SMARCA2: variants seen among roughly 807,000 people sequenced by gnomAD.
SMARCA2 encodes the protein SWI/SNF-related matrix-associated actin-dependent regulator of chromatin subfamily A member 2.
In SMARCA2, 61 loss-of-function variants were observed where a neutral mutation model predicts 199.8. The ratio of observed to expected loss-of-function variants is 0.31; its 90% CI spans 0.25 to 0.38. The LOEUF is 0.38. SMARCA2 is among the 10% of genes least tolerant of loss of function. The pLI, the probability that SMARCA2 is intolerant of heterozygous loss-of-function variation, is 1.00. For missense variants in SMARCA2, 1,344 were observed against 2,012.2 expected, an observed-to-expected ratio of 0.67 and a Z score of 6.35; for synonymous variants, 935 against 732.0, an observed-to-expected ratio of 1.28 and a Z score of -4.48.
chr9:2,107,777 A>G (rs1679892000), intron 23 of SMARCA2, among the ~76,000 whole-genome samples: 1 of 152,022 alleles, frequency 6.6e-6, no homozygotes, highest in Admixed American at 6.5e-5. Context: ...CTCAGTAGGC[A>G]TTGGTTGTAT....
At chr9:2,023,775 T>A (rs1446791474) in intron 1 of SMARCA2, among the ~76,000 whole-genome samples, 2 of 152,232 alleles carry the variant, frequency 1.3e-5, no homozygotes, top group Non-Finnish European at 2.9e-5. Context: ...GTTCTGAAGA[T>A]GTTGCTACTT....
intron 22 of SMARCA2, among the ~76,000 whole-genome samples, chr9:2,102,759 C>A (rs1021073018): frequency 6.6e-6 from 1 of 152,140 alleles, no homozygotes; most frequent in Non-Finnish European, 1.5e-5. Flanking sequence ...TACATGACGT[C>A]CATAGTGATC....
intron 29 of SMARCA2, among the ~76,000 whole-genome samples, chr9:2,176,203 T>A (rs1406446067): frequency 6.2e-5 from 9 of 145,788 alleles, no homozygotes; most frequent in African/African-American, 7.9e-5. Flanking sequence ...TTTTTTTTTT[T>A]ATAATGACGT....
At chr9:2,082,285 A>C (rs1821597426) in intron 15 of SMARCA2, among the ~76,000 whole-genome samples, 1 of 142,490 alleles carries the variant, frequency 7.0e-6, no homozygotes, top group South Asian at 2.2e-4. Flanking sequence ...ATTATTCCTT[A>C]AGTGGCTCAC....
rs137898420 is a variant in SMARCA2 at position 2,184,089 on chromosome 9, C to G, written c.4461+1847C>G. On this transcript the variant is annotated intron_variant, in intron 31 of 33. Coordinates refer to ENST00000349721, the MANE Select transcript of SMARCA2 (RefSeq NM_003070.5). ...TCTCTTCCCAACCTTTGAGGTTCCC[C>G]TGCACTGTCTAGAATGAATTTCATC... 4.6e-3 allele frequency among the ~76,000 whole-genome samples: 707 copies of G among 152,268 alleles called. 4 individuals are homozygous for G. The highest frequency in any genetic ancestry group is 0.016 in the African/African-American group (685 of 41,558).
chr9:2,053,443 A>T (rs961866689), intron 5 of SMARCA2, among the ~76,000 whole-genome samples: 1 of 152,194 alleles, frequency 6.6e-6, no homozygotes, highest in African/African-American at 2.4e-5. Flanking sequence ...TATCAGGCAA[A>T]TTGAGGTTCC....
chr9:2,027,177 C>T (rs1586621364), intron 1 of SMARCA2, among the ~76,000 whole-genome samples: 1 of 152,234 alleles, frequency 6.6e-6, no homozygotes, highest in East Asian at 1.9e-4. Flanking sequence ...TACAGTGGCT[C>T]ACACCTGTAA....
chr9:2,169,877 G>C lies in SMARCA2; in HGVS notation c.4200-542G>C, dbSNP rs539220978. Among the ~76,000 whole-genome samples the C allele has an allele frequency of 6.6e-6, 1 of 152,178 alleles. No individual in the cohort carries two copies. Among genetic ancestry groups the C allele is most frequent in the South Asian group, 2.1e-4 (1 of 4,832 alleles). The stretch of plus-strand genomic sequence containing the variant: ...AAGATCATGAATTCAGTGATCTCTC[G>C]AAAAGGAATAGAGCTCTTGGAAGCA... On this transcript the variant is annotated intron_variant, in intron 28 of 33. Coordinates refer to ENST00000349721, the MANE Select transcript of SMARCA2 (RefSeq NM_003070.5). This position sits in a 1 kb window ranked among gnomAD's most constrained non-coding sequence, Gnocchi z 6.5.
At chr9:2,139,123 C>G (rs1295522750) in intron 27 of SMARCA2, among the ~76,000 whole-genome samples, 1 of 152,154 alleles carries the variant, frequency 6.6e-6, no homozygotes, top group Non-Finnish European at 1.5e-5. Flanking sequence ...GGAGCACCTG[C>G]TTGCCACAGG....
At position 2,145,812 on chromosome 9, in the gene SMARCA2, G is replaced by A. The variant is rs190432667; in HGVS notation, c.3982-15874G>A. Among the ~76,000 whole-genome samples, 73 of 152,212 alleles carry A rather than the reference G, an allele frequency of 4.8e-4. 1 individual carries two copies. The highest frequency in any genetic ancestry group is 5.9e-4 in the Non-Finnish European group (40 of 67,998). Reference sequence around the variant, plus strand: ...GTACTCTAGGGGAATTGAGAAAAACGAAGGCATTATCTTTGTAAGAAGAAA... The same window carrying A: ...GTACTCTAGGGGAATTGAGAAAAACAAAGGCATTATCTTTGTAAGAAGAAA... On this transcript the variant is annotated intron_variant, in intron 27 of 33. Transcript: ENST00000349721.
intron 29 of SMARCA2, among the ~76,000 whole-genome samples, chr9:2,177,844 G>A (rs967601640): frequency 2.0e-5 from 3 of 152,198 alleles, no homozygotes; most frequent in Non-Finnish European, 4.4e-5. Flanking sequence ...GAGCCACCGT[G>A]CCCGGCCAGA....
At chr9:2,050,598 G>A (rs1259876060) in intron 5 of SMARCA2, among the ~76,000 whole-genome samples, 1 of 151,974 alleles carries the variant, frequency 6.6e-6, no homozygotes, top group Non-Finnish European at 1.5e-5. Flanking sequence ...TTTGTGTCAG[G>A]AAGCAGGCAT....
At chr9:2,182,806 AT>A (rs34427269) in intron 31 of SMARCA2, among the ~76,000 whole-genome samples, 1 of 146,408 alleles carries the variant, frequency 6.8e-6, no homozygotes, top group African/African-American at 2.5e-5. Context: ...CAAAGCATAT[AT>A]TTTTTTTTCG....
At chr9:2,070,316 A>T in intron 9 of SMARCA2, 102 bp from the exon 10 acceptor site, 1 of 896,198 alleles carries the variant, frequency 1.1e-6, no homozygotes, top group Non-Finnish European at 1.8e-6. Context: ...TTAGATAATA[A>T]TGGGGTAACA....
intron 1 of SMARCA2, among the ~76,000 whole-genome samples, chr9:2,023,709 T>A (rs751777655): frequency 7.9e-5 from 12 of 152,314 alleles, no homozygotes; most frequent in Middle Eastern, 3.4e-3. Context: ...GCATTGCTGT[T>A]CTCCTTACCC....
chr9:2,122,794 C>T (rs1275170314), intron 26 of SMARCA2, among the ~76,000 whole-genome samples: 1 of 152,160 alleles, frequency 6.6e-6, no homozygotes, highest in Non-Finnish European at 1.5e-5. Flanking sequence ...TGGTCCATTT[C>T]ATTGTGGAAA....
At position 2,170,442 on chromosome 9, in the gene SMARCA2, G is replaced by A. The variant is rs1208574695; in HGVS notation, c.4223G>A (p.Ser1408Asn). Reference sequence around the variant, plus strand: ...AGGTGTAACGTGGAGAAGGTGCCCAGTAATTCTCAGTTGGAAATAGAAGGA... The same window carrying A: ...AGGTGTAACGTGGAGAAGGTGCCCAATAATTCTCAGTTGGAAATAGAAGGA... Reference protein sequence around the residue: ...KDRCNVEKVPSNSQLEIEGNS... With the variant: ...KDRCNVEKVPNNSQLEIEGNS... The change falls in exon 29 of 34, where the codon AGT becomes AAT. Residue 1408 changes from serine (S) to asparagine (N), a missense_variant. By Grantham distance (46) the Ser-to-Asn change is conservative. This residue lies in a region of SMARCA2 where 151 missense variants were observed against 154.0 expected (regional missense o/e 0.98). Transcript: ENST00000349721. The surrounding 1 kb of genome is among the most constrained non-coding windows in gnomAD (Gnocchi z 4.7). 8 of 1,613,998 alleles carry A rather than the reference G, an allele frequency of 5.0e-6. No individual in the cohort carries two copies. In the African/African-American group the frequency reaches 5.3e-5, roughly 11 times the overall value.
intron 22 of SMARCA2, 99 bp downstream of exon 22, chr9:2,101,715 C>T: frequency 1.6e-6 from 1 of 630,192 alleles, no homozygotes. Flanking sequence ...ATACTTACTT[C>T]CAGCCCTCTA....
In SMARCA2 at chr9:2,054,168, C is replaced by T. The variant is rs530016858; in HGVS notation, c.1047-429C>T. 8.5e-5 allele frequency among the ~76,000 whole-genome samples: 13 copies of T among 152,334 alleles called. No homozygotes were observed. The South Asian group carries it at 2.7e-3, about 32-fold the overall frequency. On this transcript the variant is annotated intron_variant, in intron 5 of 33. Coordinates refer to ENST00000349721, the MANE Select transcript of SMARCA2 (RefSeq NM_003070.5). ...CATCTTGGCAAAGAAGACAAATGGT[C>T]TGGTTGCCTTAGGACAGAACTAGAA...
Sources: allele counts gnomAD v4.1 joint callset (sites outside exome capture counted in the v4.1 genomes callset), GRCh38; gene constraint gnomAD v4.1.1; regional missense constraint gnomAD v4.1.1; non-coding constraint Gnocchi (gnomAD v3.1); transcripts MANE v1.5; gene names NCBI Gene and HGNC (gene_info 2026-07-23, HGNC 2026-07-21).